The following TXNRD1 variants were observed in gnomAD, a reference collection of about 807,000 sequenced individuals.
The protein encoded by TXNRD1 is thioredoxin reductase 1, cytoplasmic.
TXNRD1 carries 57 observed loss-of-function variants against 80.3 expected under a neutral mutation model. The ratio of observed to expected loss-of-function variants is 0.71; its 90% CI spans 0.57 to 0.89. The LOEUF is 0.89. TXNRD1 is among the 40% of genes least tolerant of loss of function. TXNRD1 has a pLI of 0.00. For synonymous variants in TXNRD1, 291 were observed against 285.2 expected (o/e 1.02, Z -0.20); for missense variants, 730 against 803.0 (o/e 0.91, Z 1.10).
intron 1 of TXNRD1, among the ~76,000 whole-genome samples, chr12:104,244,726 CTAA>C (rs2032940119): frequency 6.6e-6 from 1 of 152,196 alleles, no homozygotes; most frequent in African/African-American, 2.4e-5. Flanking sequence ...AGCCATTCCT[CTAA>C]TGTCAGACAT....
In TXNRD1 at chr12:104,234,137, A is replaced by G. The variant is rs1185961751; in HGVS notation, c.92-17390A>G. ...TCTTCGAGAAGGAACAAAGCAAGAC[A>G]ATTTGTTTGCAAATGACAAAATATG... On this transcript the variant is annotated intron_variant, in intron 1 of 16. Transcript: ENST00000525566. Among the ~76,000 whole-genome samples, 8 of 152,230 alleles carry G rather than the reference A, an allele frequency of 5.3e-5. No individual in the cohort carries two copies. In the East Asian group the frequency reaches 9.6e-4, roughly 18 times the overall value.
chr12:104,288,668 T>C, intron 3 of TXNRD1: 1 of 1,132,638 alleles, frequency 8.8e-7, no homozygotes, highest in Non-Finnish European at 1.2e-6. Flanking sequence ...GATTTAACCC[T>C]GACTAGAACT....
intron 1 of TXNRD1, among the ~76,000 whole-genome samples, chr12:104,231,185 T>C (rs566354446): frequency 6.6e-6 from 1 of 152,254 alleles, no homozygotes; most frequent in African/African-American, 2.4e-5. Flanking sequence ...AATAATTTAT[T>C]AATAACTCCT....
chr12:104,313,515 C>T (rs947883062), intron 6 of TXNRD1, among the ~76,000 whole-genome samples, 198 bp downstream of exon 6: 1 of 152,186 alleles, frequency 6.6e-6, no homozygotes, highest in Non-Finnish European at 1.5e-5. Context: ...TTCTTTGGCA[C>T]AGAGTCAAGA....
chr12:104,300,813 A>G (rs970111686), intron 4 of TXNRD1, among the ~76,000 whole-genome samples: 1 of 152,052 alleles, frequency 6.6e-6, no homozygotes, highest in African/African-American at 2.4e-5. Context: ...CGCCCAGCTA[A>G]TTTTCTATTT....
At chr12:104,217,124 C>A (rs993967512) in intron 1 of TXNRD1, among the ~76,000 whole-genome samples, 2 of 151,868 alleles carry the variant, frequency 1.3e-5, no homozygotes, top group African/African-American at 4.8e-5. Context: ...CAGGCAAGGT[C>A]CAGGTCAGGC....
intron 3 of TXNRD1, among the ~76,000 whole-genome samples, chr12:104,261,429 C>A (rs937066314): frequency 6.6e-6 from 1 of 152,168 alleles, no homozygotes; most frequent in Admixed American, 6.5e-5. Context: ...TCCCAAAGTT[C>A]TGGGATTACA....
chr12:104,224,600 G>A (rs1403752952), intron 1 of TXNRD1, among the ~76,000 whole-genome samples: 7 of 152,038 alleles, frequency 4.6e-5, no homozygotes. Context: ...TGGCCAGGTT[G>A]GTCTCAAACT....
chr12:104,247,619 T>G (rs2033021954), intron 1 of TXNRD1, among the ~76,000 whole-genome samples: 1 of 152,242 alleles, frequency 6.6e-6, no homozygotes, highest in Admixed American at 6.5e-5. Context: ...TCTATTTATC[T>G]TTCCATCTAT....
intron 6 of TXNRD1, 48 bp from the exon 7 acceptor site, chr12:104,315,729 T>A: frequency 6.4e-7 from 1 of 1,573,532 alleles, no homozygotes; most frequent in Non-Finnish European, 8.7e-7. Flanking sequence ...TGAATGTTTG[T>A]AAGGCTTGGA....
At chr12:104,216,122 G>T (rs896225634) in intron 1 of TXNRD1, among the ~76,000 whole-genome samples, 1 of 152,252 alleles carries the variant, frequency 6.6e-6, no homozygotes, top group Non-Finnish European at 1.5e-5. Flanking sequence ...TGTGAGAGAG[G>T]TGGGAGGTGG....
chr12:104,288,886 G>T, intron 3 of TXNRD1, 45 bp from the exon 4 acceptor site: 2 of 1,613,726 alleles, frequency 1.2e-6, no homozygotes, highest in South Asian at 2.2e-5. Context: ...CTGTTAGCGG[G>T]GGAGAAGCAC....
intron 4 of TXNRD1, among the ~76,000 whole-genome samples, chr12:104,297,758 C>A (rs2034484469): frequency 6.6e-6 from 1 of 152,156 alleles, no homozygotes; most frequent in African/African-American, 2.4e-5. Context: ...TAAGTGGAAA[C>A]TAATAATGCA....
chr12:104,283,440 C>G (rs1241729881), intron 3 of TXNRD1, among the ~76,000 whole-genome samples: 1 of 151,884 alleles, frequency 6.6e-6, no homozygotes, highest in African/African-American at 2.4e-5. Flanking sequence ...TTAGTAGAGA[C>G]GGGGTTTCAC....
rs778938164 is a variant in TXNRD1, at chr12:104,331,637, T to C, written c.1646T>C (p.Ile549Thr). 1.9e-6 allele frequency: 3 copies of C among 1,602,324 alleles called. No individual in the cohort carries two copies. The highest frequency in any genetic ancestry group is 3.4e-5 in the Admixed American group (2 of 59,698). Residue 549 changes from isoleucine (I) to threonine (T), a missense_variant, in exon 14 of 17, where the codon ATT becomes ACT. Ile to Thr is a moderately conservative substitution (Grantham distance 89). Coordinates refer to ENST00000525566, the MANE Select transcript of TXNRD1 (RefSeq NM_001093771.3). ...GTGGAGAAGTTTGGGGAAGAAAATA[T>C]TGAGGTAAGTTCTTTTCCTCTTTTC... ...KAVEKFGEENIEVYHSYFWPL... is the reference protein window; with the variant it reads ...KAVEKFGEENTEVYHSYFWPL...
intron 2 of TXNRD1, among the ~76,000 whole-genome samples, chr12:104,254,831 G>A (rs898626128): frequency 5.3e-5 from 8 of 151,046 alleles, no homozygotes; most frequent in Admixed American, 1.3e-4. Context: ...ACATATGGGC[G>A]CAGTGGCTCA....
intron 15 of TXNRD1, among the ~76,000 whole-genome samples, chr12:104,336,044 T>C (rs745372986): frequency 2.0e-5 from 3 of 152,220 alleles, no homozygotes; most frequent in Non-Finnish European, 4.4e-5. Context: ...AGTTTATTTA[T>C]ATGAGTATAC....
At chr12:104,267,284 C>CTTTCTTTTTTTCTTTCTTTCTTTCTT (rs2033524577) in intron 3 of TXNRD1, among the ~76,000 whole-genome samples, 1 of 9,220 alleles carries the variant, frequency 1.1e-4, no homozygotes, top group African/African-American at 3.9e-4. Context: ...TCTTTCTTTC[C>CTTTCTTTTTTTCTTTCTTTCTTTCTT]TCTTTCTGTC....
chr12:104,303,851 G>A lies in TXNRD1; in HGVS notation c.415-7439G>A, dbSNP rs78628312. The A allele has an allele frequency of 2.3e-3, 3,258 of 1,447,076 alleles. 65 individuals are homozygous for A. In the African/African-American group the frequency reaches 0.041, roughly 18 times the overall value. The allele number at this position is 1,447,076 out of a possible 1,614,324, so 89.6% of individuals were successfully genotyped here. The stretch of plus-strand genomic sequence containing the variant: ...GGTTGAAAAAGCTTCCCGGAAGGGA[G>A]ACGAAGAGAAAGGAGAGGAGCAGCT... On this transcript the variant is annotated intron_variant, in intron 4 of 16. Coordinates refer to ENST00000525566, the MANE Select transcript of TXNRD1 (RefSeq NM_001093771.3).
Sources: allele counts gnomAD v4.1 joint callset (sites outside exome capture counted in the v4.1 genomes callset), GRCh38; gene constraint gnomAD v4.1.1; transcripts MANE v1.5; gene names NCBI Gene and HGNC (gene_info 2026-07-23, HGNC 2026-07-21).